Variants in ARB2A observed in about 807,000 individuals in gnomAD.
ARB2A encodes the protein ARB2 cotranscriptional regulator A.
At chr5:93,788,350 C>T in the ARB2A span, among the ~76,000 whole-genome samples, 13,393 of 152,106 alleles carry the variant, frequency 0.088, 793 homozygotes, top group Middle Eastern at 0.17. Flanking sequence ...AAGGGAGGTG[C>T]GGGAGGGCCG....
chr5:94,006,593 A>T, the ARB2A span, among the ~76,000 whole-genome samples: 9 of 152,234 alleles, frequency 5.9e-5, no homozygotes, highest in Non-Finnish European at 1.3e-4. Context: ...GACTATCTCA[A>T]ATTAGAAAGC....
chr5:93,721,710 C>T, the ARB2A span, among the ~76,000 whole-genome samples: 2 of 152,042 alleles, frequency 1.3e-5, no homozygotes, highest in African/African-American at 4.8e-5. Context: ...AGGAAGGAGC[C>T]TTAGACATCA....
At chr5:93,683,337 C>T in the ARB2A span, 38 of 1,604,016 alleles carry the variant, frequency 2.4e-5, no homozygotes, top group African/African-American at 4.8e-4. Flanking sequence ...TCCTCCTCTT[C>T]ATCTTCTGAC....
At chr5:93,821,314 T>TTGTGTGTGTA in the ARB2A span, among the ~76,000 whole-genome samples, 1 of 152,022 alleles carries the variant, frequency 6.6e-6, no homozygotes, top group Admixed American at 6.6e-5. Context: ...ATGTGTGTGT[T>TTGTGTGTGTA]TGTGTGTGTA....
the ARB2A span, among the ~76,000 whole-genome samples, chr5:93,878,590 G>T: frequency 6.6e-6 from 1 of 151,716 alleles, no homozygotes; most frequent in Non-Finnish European, 1.5e-5. Flanking sequence ...CTGTAAATTT[G>T]GATCAGTATT....
the ARB2A span, among the ~76,000 whole-genome samples, chr5:94,063,347 C>T: frequency 6.6e-6 from 1 of 152,130 alleles, no homozygotes; most frequent in Non-Finnish European, 1.5e-5. Flanking sequence ...TCACACATGC[C>T]ACCTGCAGGC....
the ARB2A span, among the ~76,000 whole-genome samples, chr5:93,830,372 T>C: frequency 7.0e-6 from 1 of 143,696 alleles, no homozygotes; most frequent in East Asian, 2.0e-4. Context: ...ATTAGATAAC[T>C]CTGTCCCCAT....
the ARB2A span, among the ~76,000 whole-genome samples, chr5:93,692,085 A>G: frequency 2.0e-5 from 3 of 152,244 alleles, no homozygotes; most frequent in African/African-American, 7.2e-5. Context: ...CAAATTGTAA[A>G]GACCATCGAC....
At chr5:93,950,124 T>A in the ARB2A span, among the ~76,000 whole-genome samples, 1 of 152,190 alleles carries the variant, frequency 6.6e-6, no homozygotes, top group Admixed American at 6.5e-5. Context: ...TGATGGACAC[T>A]TAGGTTGTTT....
chr5:94,046,822 G>A, the ARB2A span, among the ~76,000 whole-genome samples: 1 of 152,104 alleles, frequency 6.6e-6, no homozygotes, highest in Admixed American at 6.5e-5. Context: ...CAGGTCCACA[G>A]ATGCATTAAG....
chr5:93,881,351 G>A, the ARB2A span: 1 of 731,244 alleles, frequency 1.4e-6, no homozygotes, highest in East Asian at 2.9e-5. Context: ...ACGACTATGG[G>A]AAATAAATGA....
chr5:93,688,497 C>G, the ARB2A span, among the ~76,000 whole-genome samples: 2 of 152,300 alleles, frequency 1.3e-5, no homozygotes, highest in South Asian at 4.1e-4. Context: ...AACAAATAAA[C>G]TAAAACCTCT....
At chr5:93,848,885 T>C in the ARB2A span, among the ~76,000 whole-genome samples, 2 of 152,204 alleles carry the variant, frequency 1.3e-5, no homozygotes, top group South Asian at 4.1e-4. Flanking sequence ...CAAAAGAAGT[T>C]GCACAGTTTC....
chr5:93,957,322 G>A, the ARB2A span, among the ~76,000 whole-genome samples: 1 of 152,096 alleles, frequency 6.6e-6, no homozygotes. Context: ...CATGTTGAAA[G>A]CATCCGATTT....
chr5:93,666,159 C>A, the ARB2A span, among the ~76,000 whole-genome samples: 1 of 152,158 alleles, frequency 6.6e-6, no homozygotes, highest in Non-Finnish European at 1.5e-5. Flanking sequence ...GAGATACAAT[C>A]CTGATAGAAG....
At chr5:93,897,750 C>T in the ARB2A span, among the ~76,000 whole-genome samples, 5 of 151,780 alleles carry the variant, frequency 3.3e-5, no homozygotes, top group South Asian at 1.0e-3. Context: ...GGAGAGACTA[C>T]TTGCTTTTCT....
chr5:94,026,413 AAAG>A, the ARB2A span, among the ~76,000 whole-genome samples: 3 of 152,166 alleles, frequency 2.0e-5, no homozygotes, highest in African/African-American at 4.8e-5. Context: ...CGATGAGGGC[AAAG>A]AAGAATTTCA....
chr5:94,085,538 C>G, the ARB2A span, among the ~76,000 whole-genome samples: 1 of 152,142 alleles, frequency 6.6e-6, no homozygotes, highest in Admixed American at 6.5e-5. Context: ...TGTGGGAGGG[C>G]TTTCTCAAGA....
the ARB2A span, among the ~76,000 whole-genome samples, chr5:93,748,529 A>C: frequency 6.6e-6 from 1 of 152,120 alleles, no homozygotes. Context: ...ATTGAAAAGC[A>C]ATGAACAGTT....
Sources: allele counts gnomAD v4.1 joint callset (sites outside exome capture counted in the v4.1 genomes callset), GRCh38; gene constraint gnomAD v4.1.1; transcripts MANE v1.5; gene names NCBI Gene and HGNC (gene_info 2026-07-23, HGNC 2026-07-21).